Variants in ZBTB20 observed in about 807,000 individuals in gnomAD.
ZBTB20 encodes the protein zinc finger and BTB domain-containing protein 20.
ZBTB20 carries 9 observed loss-of-function variants against 56.9 expected under a neutral mutation model. The ratio of observed to expected loss-of-function variants is 0.16; its 90% CI spans 0.10 to 0.28. The LOEUF (loss-of-function observed/expected upper bound fraction) is 0.28, where lower values mean the gene tolerates loss of function less well. Ranked by LOEUF, ZBTB20 falls within the 10% of genes least tolerant of loss-of-function variation. The probability of loss-of-function intolerance (pLI) is 1.00; values close to 1 mark genes in which losing one functional copy is unlikely to be tolerated. For synonymous variants in ZBTB20, 417 were observed against 420.7 expected (o/e 0.99, Z 0.11); for missense variants, 655 against 1,003.0 (o/e 0.65, Z 4.69).
At chr3:114,839,452 A>AAAGAAAGAAAGAAAGG in intron 4 of ZBTB20, among the ~76,000 whole-genome samples, 1 of 151,546 alleles carries the variant, frequency 6.6e-6, no homozygotes, top group African/African-American at 2.4e-5. Flanking sequence ...AGAAAGAAAG[A>AAAGAAAGAAAGAAAGG]AAGAAAGAAA....
At chr3:114,435,739 T>C (rs941581888) in intron 7 of ZBTB20, among the ~76,000 whole-genome samples, 1 of 152,204 alleles carries the variant, frequency 6.6e-6, no homozygotes, top group Non-Finnish European at 1.5e-5. Flanking sequence ...TATTTGAATA[T>C]CTGACAATCT....
chr3:115,016,538 C>T (rs758709633), intron 2 of ZBTB20, among the ~76,000 whole-genome samples: 1 of 151,816 alleles, frequency 6.6e-6, no homozygotes, highest in Non-Finnish European at 1.5e-5. Flanking sequence ...TATGGCTAGC[C>T]AGTTCTCCCA....
At chr3:114,750,841 A>G (rs2067504555) in intron 5 of ZBTB20, among the ~76,000 whole-genome samples, 1 of 152,200 alleles carries the variant, frequency 6.6e-6, no homozygotes. Flanking sequence ...AGAGTTTTCC[A>G]AGTTAATTCC....
chr3:114,579,382 G>C (rs1040457554), intron 6 of ZBTB20, among the ~76,000 whole-genome samples: 3 of 151,344 alleles, frequency 2.0e-5, no homozygotes, highest in Non-Finnish European at 4.4e-5. Context: ...ATTTAAAATT[G>C]AACAAAACTA....
intron 3 of ZBTB20, among the ~76,000 whole-genome samples, chr3:114,943,238 C>T (rs1489304036): frequency 1.4e-5 from 2 of 145,020 alleles, no homozygotes; most frequent in Non-Finnish European, 3.0e-5. Flanking sequence ...TGTCTTAATC[C>T]CTGATAAGAT....
chr3:114,656,507 G>T (rs1462811522), intron 6 of ZBTB20, among the ~76,000 whole-genome samples: 2 of 151,810 alleles, frequency 1.3e-5, no homozygotes, highest in Non-Finnish European at 2.9e-5. Flanking sequence ...TGATATTGTT[G>T]TACAGATCAC....
chr3:114,696,297 A>G (rs2063007123), intron 5 of ZBTB20, among the ~76,000 whole-genome samples: 1 of 152,070 alleles, frequency 6.6e-6, no homozygotes, highest in African/African-American at 2.4e-5. Context: ...TAATATCCAG[A>G]AGTAAAGTAT....
At chr3:114,664,535 C>G (rs931893227) in intron 6 of ZBTB20, among the ~76,000 whole-genome samples, 8 of 152,084 alleles carry the variant, frequency 5.3e-5, no homozygotes, top group African/African-American at 1.9e-4. Flanking sequence ...TACAATTCTT[C>G]TTGAAGCACT....
chr3:114,655,603 T>C (rs2060366256), intron 6 of ZBTB20, among the ~76,000 whole-genome samples: 1 of 152,224 alleles, frequency 6.6e-6, no homozygotes, highest in Non-Finnish European at 1.5e-5. Context: ...TCCATTCAAT[T>C]GCACAACTGG....
In ZBTB20 at chr3:115,084,418, A is replaced by C. The variant is rs190269324; in HGVS notation, c.-702-13004T>G. ...AAATACTGATTTTTAATTAGTAAAC[A>C]CTGAAATATTTGTTTATAGGCCATT... On this transcript the variant is annotated intron_variant, in intron 1 of 11. Transcript: ENST00000675478. Among the ~76,000 whole-genome samples the C allele has an allele frequency of 4.6e-3, 705 of 151,978 alleles. 3 individuals are homozygous for C. Among genetic ancestry groups the C allele is most frequent in the African/African-American group, 0.016 (664 of 41,534 alleles).
chr3:114,516,897 A>G (rs2046059728), intron 6 of ZBTB20, among the ~76,000 whole-genome samples: 1 of 152,198 alleles, frequency 6.6e-6, no homozygotes, highest in Non-Finnish European at 1.5e-5. Flanking sequence ...TCTAGCTTCT[A>G]TAACTGTGAG....
intron 4 of ZBTB20, among the ~76,000 whole-genome samples, chr3:114,870,124 T>A (rs2075934618): frequency 6.6e-6 from 1 of 152,160 alleles, no homozygotes; most frequent in Non-Finnish European, 1.5e-5. Context: ...AATTCCTGAA[T>A]AACAATGTTG....
intron 6 of ZBTB20, among the ~76,000 whole-genome samples, chr3:114,532,483 C>A (rs1370020658): frequency 6.6e-6 from 1 of 152,158 alleles, no homozygotes; most frequent in East Asian, 1.9e-4. Context: ...AGTTAGCAGC[C>A]CCAGTCAGGT....
chr3:114,324,515 C>CACATAAATACAGATATACAT lies in ZBTB20; in HGVS notation c.*14470_*14489dup, dbSNP rs1389279166. 6.6e-6 allele frequency: 1 copy of CACATAAATACAGATATACAT among 151,732 alleles called. No homozygotes were observed. The highest frequency in any genetic ancestry group is 1.9e-4 in the East Asian group (1 of 5,184). The allele number at this position is 151,732 out of a possible 1,614,324, so 9.4% of individuals were successfully genotyped here. On this transcript the variant is annotated 3_prime_UTR_variant, in exon 12 of 12. Transcript: ENST00000675478. ...TCCTATTCTTTTTTTTTTCTGACTA[C>CACATAAATACAGATATACAT]ACATAAATACAGATATACATACACA...
intron 7 of ZBTB20, among the ~76,000 whole-genome samples, chr3:114,429,552 A>G (rs775469361): frequency 1.3e-5 from 2 of 152,252 alleles, no homozygotes; most frequent in Non-Finnish European, 2.9e-5. Flanking sequence ...AGTCTCTGAG[A>G]GGGTATTGAG....
chr3:114,620,092 G>A (rs532269200), intron 6 of ZBTB20, among the ~76,000 whole-genome samples: 43 of 152,264 alleles, frequency 2.8e-4, no homozygotes, highest in African/African-American at 9.9e-4. Context: ...CATAAGTCCA[G>A]GAAAATGAAT....
At chr3:115,103,691 T>C (rs2083644705) in intron 1 of ZBTB20, among the ~76,000 whole-genome samples, 1 of 152,198 alleles carries the variant, frequency 6.6e-6, no homozygotes, top group African/African-American at 2.4e-5. Flanking sequence ...ACTCTTCACA[T>C]AAATTAACTC....
chr3:115,147,010 G>GGGCGC (rs1313562132), intron 1 of ZBTB20, among the ~76,000 whole-genome samples: 1 of 149,442 alleles, frequency 6.7e-6, no homozygotes, highest in Non-Finnish European at 1.5e-5. Context: ...GGGCGGGGCG[G>GGGCGC]GGCGCGGGGG....
intron 6 of ZBTB20, among the ~76,000 whole-genome samples, chr3:114,642,497 T>C (rs1288568185): frequency 1.3e-5 from 2 of 152,036 alleles, no homozygotes; most frequent in Non-Finnish European, 2.9e-5. Context: ...AGTGTGAGAA[T>C]TTCATTTGTG....
Sources: gnomAD v4.1 joint callset for allele counts (sites outside exome capture counted in the v4.1 genomes callset) on GRCh38, gnomAD v4.1.1 for gene constraint, MANE v1.5 for transcripts, NCBI Gene and HGNC (gene_info 2026-07-23, HGNC 2026-07-21) for gene names.